HECW1: variants seen among roughly 807,000 people sequenced by gnomAD.
The protein encoded by HECW1 is E3 ubiquitin-protein ligase HECW1.
A neutral mutation model predicts 182.3 loss-of-function variants in HECW1; 61 were observed. The ratio of observed to expected loss-of-function variants is 0.33; its 90% CI spans 0.27 to 0.41. The LOEUF (loss-of-function observed/expected upper bound fraction) is 0.41, where lower values mean the gene tolerates loss of function less well. HECW1 is among the 10% of genes least tolerant of loss of function. HECW1 has a pLI of 1.00. For synonymous variants in HECW1, 859 were observed against 832.6 expected (o/e 1.03, Z -0.55); for missense variants, 1,739 against 2,108.9 (o/e 0.82, Z 3.44).
At chr7:43,290,533 A>C (rs944138735) in intron 3 of HECW1, among the ~76,000 whole-genome samples, 13 of 152,202 alleles carry the variant, frequency 8.5e-5, no homozygotes, top group East Asian at 1.9e-4. Flanking sequence ...GAGGGGGTAT[A>C]ACGAGGCATG....
At chr7:43,525,493 C>A (rs1209235104) in intron 24 of HECW1, among the ~76,000 whole-genome samples, 1 of 152,122 alleles carries the variant, frequency 6.6e-6, no homozygotes, top group Non-Finnish European at 1.5e-5. Context: ...AGTTTGACAA[C>A]AACAGAAACT....
intron 2 of HECW1, among the ~76,000 whole-genome samples, chr7:43,115,781 C>G (rs377506038): frequency 1.3e-5 from 2 of 152,210 alleles, no homozygotes; most frequent in African/African-American, 2.4e-5. Context: ...AATTACAGTC[C>G]CTGCAAGGCA....
intron 3 of HECW1, among the ~76,000 whole-genome samples, chr7:43,288,260 T>G (rs1482530496): frequency 2.0e-5 from 3 of 151,940 alleles, no homozygotes; most frequent in Admixed American, 1.3e-4. Context: ...GGTAGTAGAG[T>G]CACAGGAGCT....
intron 2 of HECW1, among the ~76,000 whole-genome samples, chr7:43,205,026 T>G (rs912849627): frequency 6.6e-6 from 1 of 152,106 alleles, no homozygotes; most frequent in Non-Finnish European, 1.5e-5. Context: ...CTTTCTAAAG[T>G]AAATGCCCTA....
At chr7:43,329,650 A>G (rs1251650729) in intron 5 of HECW1, among the ~76,000 whole-genome samples, 5 of 152,138 alleles carry the variant, frequency 3.3e-5, no homozygotes, top group Non-Finnish European at 7.3e-5. Context: ...TTGGGGATTG[A>G]AGACACCAAG....
At chr7:43,438,360 G>T (rs1340047361) in intron 9 of HECW1, 11 of 408,028 alleles carry the variant, frequency 2.7e-5, no homozygotes, top group Non-Finnish European at 4.3e-5. Context: ...TGTAACACTG[G>T]TTACTTACCC....
At chr7:43,540,302 A>C (rs1156503844) in intron 24 of HECW1, among the ~76,000 whole-genome samples, 1 of 152,214 alleles carries the variant, frequency 6.6e-6, no homozygotes, top group African/African-American at 2.4e-5. Context: ...ACCTACTTAG[A>C]GTGGACACCA....
chr7:43,531,107 A>T (rs902804753), intron 24 of HECW1, among the ~76,000 whole-genome samples: 3 of 152,210 alleles, frequency 2.0e-5, no homozygotes, highest in African/African-American at 4.8e-5. Context: ...TGTTCTAAAC[A>T]CATACCATTA....
chr7:43,478,282 G>C (rs2078292034), intron 16 of HECW1, among the ~76,000 whole-genome samples: 1 of 152,084 alleles, frequency 6.6e-6, no homozygotes, highest in East Asian at 1.9e-4. Context: ...TGGGTGTGGG[G>C]GTGTGCACCT....
intron 8 of HECW1, among the ~76,000 whole-genome samples, chr7:43,409,806 C>A (rs75976101): frequency 6.6e-6 from 1 of 152,204 alleles, no homozygotes. Context: ...ACTGTCCATT[C>A]AACCCCTAAA....
chr7:43,461,606 A>G (rs2196147), intron 13 of HECW1, among the ~76,000 whole-genome samples: 91,287 of 152,012 alleles, frequency 0.6, 27,674 homozygotes, highest in South Asian at 0.72. Context: ...CCATGGCTAC[A>G]TTCCCTGAGT....
At chr7:43,143,035 C>T (rs1788336453) in intron 2 of HECW1, among the ~76,000 whole-genome samples, 1 of 152,312 alleles carries the variant, frequency 6.6e-6, no homozygotes, top group East Asian at 1.9e-4. Flanking sequence ...CAGAGTCTTG[C>T]TCTGTTGCCC....
At chr7:43,381,051 C>T (rs1352510567) in intron 6 of HECW1, among the ~76,000 whole-genome samples, 1 of 152,114 alleles carries the variant, frequency 6.6e-6, no homozygotes, top group Non-Finnish European at 1.5e-5. Context: ...AGTAGTATTG[C>T]AGTGTAGCTT....
intron 2 of HECW1, among the ~76,000 whole-genome samples, chr7:43,117,129 C>A (rs1191904750): frequency 6.6e-6 from 1 of 151,920 alleles, no homozygotes; most frequent in Non-Finnish European, 1.5e-5. Context: ...TTTCTTGTTC[C>A]CAGTGAGGAA....
At chr7:43,141,660 G>A (rs1788169369) in intron 2 of HECW1, among the ~76,000 whole-genome samples, 1 of 151,850 alleles carries the variant, frequency 6.6e-6, no homozygotes, top group African/African-American at 2.4e-5. Context: ...CCACCACCCC[G>A]GCTAATGTTG....
At chr7:43,182,047 G>A (rs1022553405) in intron 2 of HECW1, among the ~76,000 whole-genome samples, 2 of 152,086 alleles carry the variant, frequency 1.3e-5, no homozygotes, top group Non-Finnish European at 2.9e-5. Flanking sequence ...GCCTCCCAAA[G>A]TGCTGGGATT....
intron 4 of HECW1, among the ~76,000 whole-genome samples, chr7:43,317,106 A>G (rs1390554708): frequency 6.6e-6 from 1 of 152,108 alleles, no homozygotes; most frequent in Non-Finnish European, 1.5e-5. Context: ...TCCTTGAGCT[A>G]ATACAGCTAG....
At chr7:43,241,525 C>T (rs1020005309) in intron 2 of HECW1, 1 of 152,032 alleles carries the variant, frequency 6.6e-6, no homozygotes, top group Non-Finnish European at 1.5e-5. Context: ...GTGAAATACA[C>T]CGGTATCCCC....
chr7:43,541,773 G>A, intron 25 of HECW1, 96 bp from the exon 26 acceptor site: 1 of 1,138,188 alleles, frequency 8.8e-7, no homozygotes, highest in Non-Finnish European at 1.2e-6. Flanking sequence ...GGATAAGTCT[G>A]TGATGTTTTA....
Sources: gnomAD v4.1 joint callset for allele counts (sites outside exome capture counted in the v4.1 genomes callset) on GRCh38, gnomAD v4.1.1 for gene constraint, MANE v1.5 for transcripts, NCBI Gene and HGNC (gene_info 2026-07-23, HGNC 2026-07-21) for gene names.